C3orf20: variants seen among roughly 807,000 people sequenced by gnomAD.
C3orf20 encodes family with sequence similarity 149 member C, also known as uncharacterized protein C3orf20.
Under a neutral mutation model 88.3 loss-of-function variants are expected in C3orf20, and 76 were observed. The ratio of observed to expected loss-of-function variants is 0.86; its 90% confidence interval spans 0.72 to 1.04. C3orf20 has a LOEUF of 1.04. Among genes scored for constraint, C3orf20 ranks in the 50% least tolerant of loss-of-function variants. The pLI is 0.00. For synonymous variants in C3orf20, 436 were observed against 437.4 expected, an observed-to-expected ratio of 1.00 and a Z score of 0.04; for missense variants, 1,056 against 1,123.3, an observed-to-expected ratio of 0.94 and a Z score of 0.86.
chr3:14,769,363 A>G (rs1363890406), intron 15 of C3orf20, among the ~76,000 whole-genome samples: 1 of 151,910 alleles, frequency 6.6e-6, no homozygotes, highest in Non-Finnish European at 1.5e-5. Flanking sequence ...ACCTGTGAGC[A>G]GGAGGGCTGT....
Position 14,772,313 on chromosome 3 carries a change from C to A in C3orf20, c.2630+112C>A. Reference sequence around the variant, plus strand: ...CAGGCGTGGCCTGGGTCATGTCCAACCATCGCTGACATCTAGCCCATGTAA... The same window carrying A: ...CAGGCGTGGCCTGGGTCATGTCCAAACATCGCTGACATCTAGCCCATGTAA... On this transcript the variant is annotated intron_variant, in intron 16 of 16. Coordinates refer to ENST00000253697, the MANE Select transcript of C3orf20 (RefSeq NM_032137.5). The surrounding 1 kb of genome is among the most constrained non-coding windows in gnomAD (Gnocchi z 4.2). 1 of 1,328,832 alleles carries A rather than the reference C, an allele frequency of 7.5e-7. No homozygotes were observed. Among genetic ancestry groups the A allele is most frequent in the Non-Finnish European group, 1.1e-6 (1 of 946,100 alleles). The allele number at this position is 1,328,832 out of a possible 1,614,324, so 82.3% of individuals were successfully genotyped here.
rs2034619190 is a variant in C3orf20, at chr3:14,733,902, T to C, written c.1940+5214T>C. ...CGGGGTTTCACCATGTTGGCCAGGATGGTCTCGATCTCCTGACCTCATGAT... is the reference window on the plus strand; with the variant it reads ...CGGGGTTTCACCATGTTGGCCAGGACGGTCTCGATCTCCTGACCTCATGAT... On this transcript the variant is annotated intron_variant, in intron 12 of 16. Transcript: ENST00000253697. 2.0e-5 allele frequency among the ~76,000 whole-genome samples: 3 copies of C among 152,210 alleles called. No individual in the cohort carries two copies. In the South Asian group the frequency reaches 6.2e-4, roughly 32 times the overall value.
intron 12 of C3orf20, among the ~76,000 whole-genome samples, chr3:14,756,194 T>A (rs1483915651): frequency 6.6e-6 from 1 of 151,002 alleles, no homozygotes; most frequent in African/African-American, 2.4e-5. Context: ...CATTTTACAG[T>A]ATCCACAGTC....
At chr3:14,699,294 T>C in intron 5 of C3orf20, among the ~76,000 whole-genome samples, 1 of 152,196 alleles carries the variant, frequency 6.6e-6, no homozygotes, top group Non-Finnish European at 1.5e-5. Context: ...CTCTTTACTT[T>C]TCCCTCTGCT....
chr3:14,696,984 A>G (rs1182618932), intron 5 of C3orf20, among the ~76,000 whole-genome samples: 1 of 152,102 alleles, frequency 6.6e-6, no homozygotes, highest in East Asian at 1.9e-4. Context: ...AGCCCTTTAA[A>G]TATGTCATGC....
In C3orf20 at chr3:14,709,128, AT is replaced by A. The variant is rs372636118; in HGVS notation, c.1160+4512del. ...ACTTGTACACTGAAAACTACAAAAC[AT>A]TGCCAAATTAAATTAAAGAAGACCT... On this transcript the variant is annotated intron_variant, in intron 7 of 16. Transcript: ENST00000253697. 2.4e-3 allele frequency among the ~76,000 whole-genome samples: 350 copies of A among 145,582 alleles called. 1 individual carries two copies. The highest frequency in any genetic ancestry group is 8.2e-3 in the African/African-American group (327 of 39,822).
chr3:14,735,284 C>T (rs2034670110), intron 12 of C3orf20, among the ~76,000 whole-genome samples: 1 of 151,660 alleles, frequency 6.6e-6, no homozygotes, highest in Non-Finnish European at 1.5e-5. Context: ...CTCACTTGCA[C>T]TGTATTCTTT....
intron 12 of C3orf20, among the ~76,000 whole-genome samples, chr3:14,732,005 A>T (rs2034552549): frequency 6.6e-6 from 1 of 152,212 alleles, no homozygotes; most frequent in South Asian, 2.1e-4. Flanking sequence ...CACTTGGGTA[A>T]ATACTTAAGA....
chr3:14,688,789 G>A (rs1441405380), intron 4 of C3orf20, among the ~76,000 whole-genome samples: 11 of 151,936 alleles, frequency 7.2e-5, no homozygotes, highest in Non-Finnish European at 1.2e-4. Context: ...TCCTGTGCTC[G>A]TGTATGTATA....
In C3orf20 at chr3:14,703,253, G is replaced by T. The variant is rs756222475; in HGVS notation, c.869G>T (p.Cys290Phe). ...PEAREKLQEL[C>F]RHIEAERATW... ...GCCCGGGAGAAGCTGCAGGAGTTGT[G>T]TCGCCACATGTGAGCACCTCAGTGC... is the stretch of plus-strand genomic sequence containing the variant. The change falls in exon 6 of 17, where the codon TGT becomes TTT. Residue 290 changes from cysteine to phenylalanine, a missense_variant. Physicochemically the swap from Cys to Phe is radical, Grantham distance 205. Coordinates refer to ENST00000253697, the MANE Select transcript of C3orf20 (RefSeq NM_032137.5). 6.2e-7 allele frequency: 1 copy of T among 1,614,012 alleles called. No homozygotes were observed. Among genetic ancestry groups the T allele is most frequent in the Non-Finnish European group, 8.5e-7 (1 of 1,180,048 alleles).
At position 14,710,245 on chromosome 3, in the gene C3orf20, C is replaced by CT. The variant is rs201010292; in HGVS notation, c.1161-3754dup. ...TCTGATTTTAGGAATTTGAGTCTTTCTTTTTTTTAATCAGTCTACTAGAAG... is the reference window on the plus strand; with the variant it reads ...TCTGATTTTAGGAATTTGAGTCTTTCTTTTTTTTTAATCAGTCTACTAGAAG... On this transcript the variant is annotated intron_variant, in intron 7 of 16. Transcript: ENST00000253697. 5.0e-3 allele frequency among the ~76,000 whole-genome samples: 756 copies of CT among 151,058 alleles called. 5 individuals are homozygous for CT. The highest frequency in any genetic ancestry group is 0.01 in the East Asian group (53 of 5,156).
intron 12 of C3orf20, among the ~76,000 whole-genome samples, chr3:14,738,038 C>T (rs2034774580): frequency 1.3e-5 from 2 of 152,136 alleles, no homozygotes; most frequent in South Asian, 4.1e-4. Flanking sequence ...ATTTCTACCA[C>T]ATTTTCAGTT....
Position 14,726,890 on chromosome 3 carries a change from C to G in C3orf20, c.1567-11C>G. The G allele has an allele frequency of 6.2e-7, 1 of 1,613,798 alleles. No individual in the cohort carries two copies. The highest frequency in any genetic ancestry group is 8.5e-7 in the Non-Finnish European group (1 of 1,179,948). ...ATGGTGACACCCGCCCTCCCCTTTGCCCCTCTCCAGCTGAACCGCAGAATC... is the reference window on the plus strand; with the variant it reads ...ATGGTGACACCCGCCCTCCCCTTTGGCCCTCTCCAGCTGAACCGCAGAATC... On this transcript the variant is annotated splice_polypyrimidine_tract_variant and intron_variant, in intron 10 of 16. Transcript: ENST00000253697.
intron 9 of C3orf20, among the ~76,000 whole-genome samples, chr3:14,720,927 G>C (rs1299628559): frequency 2.6e-5 from 4 of 152,210 alleles, no homozygotes; most frequent in African/African-American, 9.6e-5. Context: ...TTGTTATCAG[G>C]AGGCAGAACT....
At chr3:14,726,211 C>T (rs2034339316) in intron 10 of C3orf20, among the ~76,000 whole-genome samples, 1 of 152,222 alleles carries the variant, frequency 6.6e-6, no homozygotes, top group African/African-American at 2.4e-5. Context: ...GAGGCCTCAG[C>T]GATCCCGTGG....
chr3:14,735,183 A>T (rs910993162), intron 12 of C3orf20, among the ~76,000 whole-genome samples: 1 of 151,812 alleles, frequency 6.6e-6, no homozygotes, highest in East Asian at 1.9e-4. Context: ...TTTTTACATT[A>T]ATATAGTTAC....
At chr3:14,754,001 A>G (rs149793036) in intron 12 of C3orf20, among the ~76,000 whole-genome samples, 46 of 152,346 alleles carry the variant, frequency 3.0e-4, no homozygotes, top group Non-Finnish European at 5.4e-4. Flanking sequence ...TCTACTTTCA[A>G]AAAGTCCAGT....
At chr3:14,756,028 C>CAAAAAAAAAAAA (rs56242160) in intron 12 of C3orf20, among the ~76,000 whole-genome samples, 15 of 72,658 alleles carry the variant, frequency 2.1e-4, no homozygotes, top group East Asian at 4.0e-4. Context: ...GACTCCATCT[C>CAAAAAAAAAAAA]AAAAAAAAAA....
chr3:14,698,819 A>G (rs2033123686), intron 5 of C3orf20, among the ~76,000 whole-genome samples: 1 of 152,228 alleles, frequency 6.6e-6, no homozygotes, highest in African/African-American at 2.4e-5. Flanking sequence ...TACAATCAGC[A>G]GGTGGTGAAG....
Sources: allele counts gnomAD v4.1 joint callset (sites outside exome capture counted in the v4.1 genomes callset), GRCh38; gene constraint gnomAD v4.1.1; non-coding constraint Gnocchi (gnomAD v3.1); transcripts MANE v1.5; gene names NCBI Gene and HGNC (gene_info 2026-07-23, HGNC 2026-07-21).